PDE7B: variants seen among roughly 807,000 people sequenced by gnomAD.
The protein encoded by PDE7B is phosphodiesterase 7B.
PDE7B carries 29 observed loss-of-function variants against 56.2 expected under a neutral mutation model. That is an observed-to-expected ratio of 0.52 (90% confidence interval 0.38 to 0.70). PDE7B has a LOEUF of 0.70. Among genes scored for constraint, PDE7B ranks in the 30% least tolerant of loss-of-function variants. The probability of loss-of-function intolerance (pLI) is 0.00; values close to 1 mark genes in which losing one functional copy is unlikely to be tolerated. For missense variants in PDE7B, 490 were observed against 565.0 expected, an observed-to-expected ratio of 0.87 and a Z score of 1.35; for synonymous variants, 197 against 196.9, an observed-to-expected ratio of 1.00 and a Z score of 0.00.
chr6:135,867,957 T>C (rs925483295), intron 1 of PDE7B, among the ~76,000 whole-genome samples: 7 of 152,112 alleles, frequency 4.6e-5, no homozygotes, highest in Non-Finnish European at 8.8e-5. Flanking sequence ...TTTAAAGTAA[T>C]GCAAAAAGGT....
intron 1 of PDE7B, among the ~76,000 whole-genome samples, chr6:135,898,022 T>C (rs1290913853): frequency 6.6e-6 from 1 of 152,144 alleles, no homozygotes; most frequent in Non-Finnish European, 1.5e-5. Context: ...GATCCTTATA[T>C]TAGGAAAAGC....
chr6:136,004,152 AC>A (rs753712516), intron 2 of PDE7B, among the ~76,000 whole-genome samples: 62 of 152,126 alleles, frequency 4.1e-4, no homozygotes, highest in African/African-American at 1.1e-3. Flanking sequence ...AAATTCAACA[AC>A]CCTTCATGCT....
chr6:136,095,001 A>G (rs1399045566), intron 2 of PDE7B, among the ~76,000 whole-genome samples: 1 of 152,198 alleles, frequency 6.6e-6, no homozygotes, highest in South Asian at 2.1e-4. Context: ...ATTTTCCCCA[A>G]AACAGTCATC....
At chr6:136,126,219 T>C (rs988092747) in intron 3 of PDE7B, among the ~76,000 whole-genome samples, 1 of 152,176 alleles carries the variant, frequency 6.6e-6, no homozygotes, top group Non-Finnish European at 1.5e-5. Context: ...CCACTGGTAA[T>C]TTCCTAAGAA....
At chr6:135,863,853 CAAATAAGT>C (rs1775199739) in intron 1 of PDE7B, among the ~76,000 whole-genome samples, 1 of 151,914 alleles carries the variant, frequency 6.6e-6, no homozygotes, top group African/African-American at 2.4e-5. Flanking sequence ...TTACAAGCAG[CAAATAAGT>C]AAATTTTCTT....
intron 2 of PDE7B, chr6:136,098,189 G>A (rs948633051): frequency 1.4e-5 from 2 of 145,672 alleles, no homozygotes; most frequent in African/African-American, 5.0e-5. Flanking sequence ...TATACAGGAA[G>A]AGAAGTGGGG....
At chr6:136,050,166 T>G (rs762767540) in intron 2 of PDE7B, among the ~76,000 whole-genome samples, 2 of 152,208 alleles carry the variant, frequency 1.3e-5, no homozygotes, top group Non-Finnish European at 2.9e-5. Context: ...TTTCTGTCCT[T>G]TTCACTCCCA....
chr6:136,067,069 TCAAATTCCTTACTTCAAGCAATCCTCCCA>T (rs938567273), intron 2 of PDE7B, among the ~76,000 whole-genome samples: 1 of 152,054 alleles, frequency 6.6e-6, no homozygotes, highest in Non-Finnish European at 1.5e-5. Flanking sequence ...TGCCCAGGTC[TCAAATTCCTTACTTCAAGCAATCCTCCCA>T]CCTCAGCTTC....
At chr6:136,149,297 G>C in intron 5 of PDE7B, 147 bp downstream of exon 5, 1 of 628,180 alleles carries the variant, frequency 1.6e-6, no homozygotes, top group Non-Finnish European at 2.8e-6. Flanking sequence ...AGAAGGACCG[G>C]GGTAAGGGAA....
intron 2 of PDE7B, among the ~76,000 whole-genome samples, chr6:136,020,215 T>C (rs1776047481): frequency 6.6e-6 from 1 of 152,156 alleles, no homozygotes; most frequent in South Asian, 2.1e-4. Flanking sequence ...GGATAGTTGT[T>C]CAAATGGATG....
At position 136,031,029 on chromosome 6, in the gene PDE7B, C is replaced by A. The variant is rs185646240; in HGVS notation, c.83-77702C>A. ...AATTAACAAGCTATGGTTCAATGTC[C>A]CCAGATACAGCCTTTGTTCTTACAT... is the stretch of plus-strand genomic sequence containing the variant. On this transcript the variant is annotated intron_variant, in intron 2 of 12. Coordinates refer to ENST00000308191, the MANE Select transcript of PDE7B (RefSeq NM_018945.4). Among the ~76,000 whole-genome samples, 9 of 152,300 alleles carry A rather than the reference C, an allele frequency of 5.9e-5. 1 individual carries two copies. Among genetic ancestry groups the A allele is most frequent in the Admixed American group, 3.9e-4 (6 of 15,296 alleles).
chr6:136,074,414 A>C (rs139478795), intron 2 of PDE7B, among the ~76,000 whole-genome samples: 247 of 152,238 alleles, frequency 1.6e-3, no homozygotes, highest in African/African-American at 4.1e-3. Flanking sequence ...TCAAGCATTT[A>C]TTTCTTTCTT....
At chr6:136,094,998 C>A (rs1777450078) in intron 2 of PDE7B, among the ~76,000 whole-genome samples, 2 of 152,102 alleles carry the variant, frequency 1.3e-5, no homozygotes, top group African/African-American at 4.8e-5. Context: ...ATTATTTTCC[C>A]CAAAACAGTC....
intron 2 of PDE7B, among the ~76,000 whole-genome samples, chr6:135,986,508 A>G (rs368095945): frequency 6.3e-4 from 96 of 152,344 alleles, no homozygotes; most frequent in African/African-American, 2.2e-3. Context: ...AGTGGTTAGA[A>G]AGTTAAAATG....
At chr6:136,147,271 A>C (rs2128446764) in intron 3 of PDE7B, 80 bp from the exon 4 acceptor site, 1 of 844,244 alleles carries the variant, frequency 1.2e-6, no homozygotes, top group East Asian at 2.5e-5. Context: ...CTCTTCTTTT[A>C]ATGCATTTAT....
At chr6:136,054,983 C>T (rs1482449331) in intron 2 of PDE7B, among the ~76,000 whole-genome samples, 1 of 152,178 alleles carries the variant, frequency 6.6e-6, no homozygotes, top group African/African-American at 2.4e-5. Context: ...AGGTCCCTCC[C>T]AAAACACATA....
intron 11 of PDE7B, 74 bp from the exon 12 acceptor site, chr6:136,186,962 A>G: frequency 3.7e-6 from 3 of 815,492 alleles, no homozygotes; most frequent in Non-Finnish European, 6.3e-6. Flanking sequence ...CGACGAGGTC[A>G]TTAAAATTAT....
At chr6:135,894,540 A>G (rs924030512) in intron 1 of PDE7B, among the ~76,000 whole-genome samples, 1 of 152,128 alleles carries the variant, frequency 6.6e-6, no homozygotes, top group Non-Finnish European at 1.5e-5. Flanking sequence ...GTTCTGTTCT[A>G]AGACAGAAAC....
intron 2 of PDE7B, among the ~76,000 whole-genome samples, chr6:135,955,536 A>C (rs1194743694): frequency 1.3e-5 from 2 of 152,162 alleles, no homozygotes; most frequent in African/African-American, 4.8e-5. Flanking sequence ...TGTGGACAGG[A>C]AGGCAGGAGA....
Sources: gnomAD v4.1 joint callset for allele counts (sites outside exome capture counted in the v4.1 genomes callset) on GRCh38, gnomAD v4.1.1 for gene constraint, MANE v1.5 for transcripts, NCBI Gene and HGNC (gene_info 2026-07-23, HGNC 2026-07-21) for gene names.